CACNB2: variants seen among roughly 807,000 people sequenced by gnomAD.
CACNB2 encodes calcium voltage-gated channel auxiliary subunit beta 2, also known as voltage-dependent L-type calcium channel subunit beta-2.
CACNB2 carries 42 observed loss-of-function variants against 73.3 expected under a neutral mutation model. That is an observed-to-expected ratio of 0.57 (90% CI 0.45 to 0.74). The LOEUF is 0.74. Ranked by LOEUF, CACNB2 falls within the 30% of genes least tolerant of loss-of-function variation. The probability of loss-of-function intolerance (pLI) is 0.00; values close to 1 mark genes in which losing one functional copy is unlikely to be tolerated. For synonymous variants in CACNB2, 348 were observed against 310.3 expected (o/e 1.12, Z -1.28); for missense variants, 940 against 853.0 (o/e 1.10, Z -1.27).
intron 2 of CACNB2, among the ~76,000 whole-genome samples, chr10:18,362,569 A>T (rs1440502868): frequency 6.6e-6 from 1 of 152,266 alleles, no homozygotes; most frequent in Non-Finnish European, 1.5e-5. Flanking sequence ...AATAGCAAAA[A>T]TGATAACCTG....
chr10:18,486,550 C>T (rs573106599), intron 3 of CACNB2, among the ~76,000 whole-genome samples: 1 of 152,184 alleles, frequency 6.6e-6, no homozygotes, highest in African/African-American at 2.4e-5. Context: ...ATAGAGTTTC[C>T]TTTGGATGTG....
intron 2 of CACNB2, among the ~76,000 whole-genome samples, chr10:18,240,411 T>C (rs2036602918): frequency 6.6e-6 from 1 of 152,146 alleles, no homozygotes; most frequent in South Asian, 2.1e-4. Flanking sequence ...TACTCAAAAC[T>C]AGTCTGGCTC....
At chr10:18,467,107 T>C (rs573813316) in intron 3 of CACNB2, among the ~76,000 whole-genome samples, 7 of 152,212 alleles carry the variant, frequency 4.6e-5, no homozygotes, top group African/African-American at 1.7e-4. Context: ...TGAGCCAAGA[T>C]CACAACACTG....
At chr10:18,213,867 A>G (rs1363780377) in intron 2 of CACNB2, among the ~76,000 whole-genome samples, 1 of 152,206 alleles carries the variant, frequency 6.6e-6, no homozygotes, top group African/African-American at 2.4e-5. Flanking sequence ...ATTTTTAATG[A>G]GATAATGCAT....
At chr10:18,210,614 C>T (rs1011366950) in intron 2 of CACNB2, among the ~76,000 whole-genome samples, 1 of 152,112 alleles carries the variant, frequency 6.6e-6, no homozygotes, top group African/African-American at 2.4e-5. Flanking sequence ...CTTTCTAAGT[C>T]TCAGTTTCCT....
intron 2 of CACNB2, among the ~76,000 whole-genome samples, chr10:18,240,129 C>G (rs537183359): frequency 6.6e-6 from 1 of 152,168 alleles, no homozygotes; most frequent in African/African-American, 2.4e-5. Flanking sequence ...AAATGGTTCA[C>G]GCTTTGAACT....
intron 2 of CACNB2, among the ~76,000 whole-genome samples, chr10:18,210,868 A>G (rs1201002254): frequency 1.3e-5 from 2 of 152,174 alleles, no homozygotes; most frequent in African/African-American, 2.4e-5. Flanking sequence ...TGATAAGCGT[A>G]TGGCTTTTGG....
chr10:18,504,441 T>G (rs555688135), intron 5 of CACNB2, among the ~76,000 whole-genome samples: 2,408 of 152,302 alleles, frequency 0.016, 64 homozygotes, highest in African/African-American at 0.054. Context: ...TCTTGCATTT[T>G]TTTCCCTTAG....
chr10:18,511,887 T>TA (rs1455432372), intron 6 of CACNB2, among the ~76,000 whole-genome samples: 2 of 152,220 alleles, frequency 1.3e-5, no homozygotes, highest in Non-Finnish European at 2.9e-5. Flanking sequence ...TAGACTCACT[T>TA]ACGCAGGAGG....
At chr10:18,220,276 A>AGAGAGAGAGAGAGAGAGAGAGAG (rs1564354242) in intron 2 of CACNB2, among the ~76,000 whole-genome samples, 1 of 55,212 alleles carries the variant, frequency 1.8e-5, no homozygotes, top group Non-Finnish European at 3.5e-5. Flanking sequence ...GAGAGAGAGA[A>AGAGAGAGAGAGAGAGAGAGAGAG]AGAGAGAGAA....
intron 2 of CACNB2, among the ~76,000 whole-genome samples, chr10:18,227,996 A>G (rs1757225): frequency 0.58 from 88,332 of 152,002 alleles, 26,868 homozygotes; most frequent in Admixed American, 0.68. Flanking sequence ...AAAGGAGGAA[A>G]AAAAAATTTG....
chr10:18,541,092 A>AT lies in CACNB2; in HGVS notation c.*1373dup, dbSNP rs1183174293. The AT allele has an allele frequency of 6.6e-6, 1 of 152,596 alleles. No individual in the cohort carries two copies. The highest frequency in any genetic ancestry group is 1.5e-5 in the Non-Finnish European group (1 of 68,038). The allele number at this position is 152,596 out of a possible 1,614,324, so 9.5% of individuals were successfully genotyped here. ...GTGGAATTATTTCGTGGGAAAATAA[A>AT]TTTTTATAACTTCTCCCACTTCAAT... On this transcript the variant is annotated 3_prime_UTR_variant, in exon 14 of 14. Transcript: ENST00000324631.
intron 7 of CACNB2, among the ~76,000 whole-genome samples, chr10:18,517,017 CCT>C (rs1282213727): frequency 1.3e-5 from 2 of 152,050 alleles, no homozygotes; most frequent in African/African-American, 4.8e-5. Context: ...TTAATTCTCC[CCT>C]GAGGCAATGT....
intron 11 of CACNB2, among the ~76,000 whole-genome samples, chr10:18,534,648 G>GA (rs2053385593): frequency 6.6e-6 from 1 of 152,022 alleles, no homozygotes; most frequent in East Asian, 1.9e-4. Flanking sequence ...AGTTTGAGGG[G>GA]AAAAAAAGCC....
intron 3 of CACNB2, among the ~76,000 whole-genome samples, chr10:18,423,757 G>A (rs1244982454): frequency 5.9e-5 from 9 of 152,102 alleles, no homozygotes; most frequent in Non-Finnish European, 1.0e-4. Context: ...TCCATGTGCA[G>A]ACTATTGGAT....
At position 18,315,526 on chromosome 10, in the gene CACNB2, A is replaced by AAAAAC. The variant is rs1554791257; in HGVS notation, c.214-86396_214-86395insAACAA. On this transcript the variant is annotated intron_variant, in intron 2 of 13. Coordinates refer to ENST00000324631, the MANE Select transcript of CACNB2 (RefSeq NM_201596.3). ...AAAAAAAAAAAAAAAAAAAAAAAAA[A>AAAAAC]AACTTTTTTTTTTTTTAATTAGCCA... is the stretch of plus-strand genomic sequence containing the variant. Among the ~76,000 whole-genome samples the AAAAAC allele has an allele frequency of 1.1e-4, 13 of 121,824 alleles. 1 individual carries two copies. The highest frequency in any genetic ancestry group is 1.8e-4 in the Non-Finnish European group (10 of 55,862). 79.9% of individuals were successfully genotyped at this position (121,824 alleles called of 152,430 possible).
At chr10:18,524,989 C>T (rs2052321446) in intron 9 of CACNB2, among the ~76,000 whole-genome samples, 1 of 146,374 alleles carries the variant, frequency 6.8e-6, no homozygotes, top group South Asian at 2.2e-4. Flanking sequence ...ATGATTACTA[C>T]ACCCTTGCAC....
chr10:18,150,880 T>TTTTTTTTTGA lies in CACNB2; in HGVS notation c.121-3_121-2insTTTTTTTTGA. 1.5e-6 allele frequency: 2 copies of TTTTTTTTTGA among 1,300,366 alleles called. No individual in the cohort carries two copies. Among genetic ancestry groups the TTTTTTTTTGA allele is most frequent in the South Asian group, 1.3e-5 (1 of 74,630 alleles). 80.6% of individuals were successfully genotyped at this position (1,300,366 alleles called of 1,614,324 possible). A position where few individuals can be genotyped will look rare whatever the true frequency, so the allele number is the denominator to read the frequency against. ...CTTTTTTTTTTTTTTTTTTTTTTTT[T>TTTTTTTTTGA]AGTCATATGGAAAAGGAGCCAGAAG... On this transcript the variant is annotated splice_polypyrimidine_tract_variant and splice_region_variant and intron_variant, in intron 1 of 13. Transcript: ENST00000324631.
At chr10:18,383,131 C>A (rs1039048200) in intron 2 of CACNB2, among the ~76,000 whole-genome samples, 5 of 152,208 alleles carry the variant, frequency 3.3e-5, no homozygotes, top group African/African-American at 1.2e-4. Flanking sequence ...ACCTGCTTAA[C>A]AGCCGGTGTC....
Sources: gnomAD v4.1 joint callset for allele counts (sites outside exome capture counted in the v4.1 genomes callset) on GRCh38, gnomAD v4.1.1 for gene constraint, MANE v1.5 for transcripts, NCBI Gene and HGNC (gene_info 2026-07-23, HGNC 2026-07-21) for gene names.